The following JAK2 variants were observed in gnomAD, a reference collection of about 807,000 sequenced individuals.
The protein encoded by JAK2 is tyrosine-protein kinase JAK2.
Under a neutral mutation model 139.3 loss-of-function variants are expected in JAK2, and 86 were observed. The ratio of observed to expected loss-of-function variants is 0.62; its 90% CI spans 0.52 to 0.74. The LOEUF (loss-of-function observed/expected upper bound fraction) is 0.74. Ranked by LOEUF, JAK2 falls within the 30% of genes least tolerant of loss-of-function variation. JAK2 has a pLI of 0.00. For missense variants in JAK2, 1,421 were observed against 1,360.3 expected (o/e 1.04, Z -0.70); for synonymous variants, 490 against 437.7 (o/e 1.12, Z -1.49).
intron 22 of JAK2, chr9:5,099,949 G>C (rs1489907642): frequency 6.6e-6 from 1 of 152,112 alleles, no homozygotes; most frequent in Non-Finnish European, 1.5e-5. Context: ...TTTACCACAA[G>C]GCACACCTAT....
At chr9:5,100,826 T>C (rs1821420298) in intron 22 of JAK2, 1 of 152,366 alleles carries the variant, frequency 6.6e-6, no homozygotes, top group Admixed American at 6.5e-5. Flanking sequence ...TCAACATTCT[T>C]TACAGCCACA....
At chr9:4,993,382 C>T (rs1231954457) in intron 2 of JAK2, among the ~76,000 whole-genome samples, 1 of 152,154 alleles carries the variant, frequency 6.6e-6, no homozygotes. Context: ...GTTCTGAGTC[C>T]ATTACATCTC....
intron 22 of JAK2, chr9:5,098,344 G>A (rs1821183643): frequency 6.6e-6 from 1 of 152,084 alleles, no homozygotes; most frequent in Non-Finnish European, 1.5e-5. Flanking sequence ...TGTCTTAATG[G>A]CTCATCCAGT....
At chr9:5,097,836 C>T (rs1377339539) in intron 22 of JAK2, 1 of 152,202 alleles carries the variant, frequency 6.6e-6, no homozygotes, top group Non-Finnish European at 1.5e-5. Context: ...TCATAGGAGG[C>T]TTTACCACTG....
At chr9:5,087,003 TA>T (rs1390411369) in intron 19 of JAK2, among the ~76,000 whole-genome samples, 1 of 152,206 alleles carries the variant, frequency 6.6e-6, no homozygotes, top group African/African-American at 2.4e-5. Flanking sequence ...TTAGCATTTT[TA>T]AATTGTGCTT....
intron 22 of JAK2, chr9:5,112,840 G>A: frequency 1.8e-6 from 1 of 558,246 alleles, no homozygotes; most frequent in Non-Finnish European, 2.8e-6. Flanking sequence ...ACCCCGCTGG[G>A]CACGTGTGAA....
At chr9:5,114,652 G>T (rs758701342) in intron 22 of JAK2, 3 of 459,454 alleles carry the variant, frequency 6.5e-6, no homozygotes, top group Admixed American at 5.0e-5. Flanking sequence ...ACGCAGCCCC[G>T]CAAAACCAAG....
chr9:5,110,025 T>C (rs1045942220), intron 22 of JAK2: 3 of 152,222 alleles, frequency 2.0e-5, no homozygotes, highest in African/African-American at 7.2e-5. Flanking sequence ...AGTTATAGCA[T>C]GGTTCCTCTT....
intron 2 of JAK2, among the ~76,000 whole-genome samples, chr9:5,002,335 T>A (rs149525244): frequency 4.3e-4 from 65 of 152,106 alleles, no homozygotes; most frequent in African/African-American, 1.4e-3. Context: ...ATTTTATTGT[T>A]TATTATCATT....
At chr9:5,049,048 C>G (rs952737778) in intron 5 of JAK2, among the ~76,000 whole-genome samples, 10 of 152,180 alleles carry the variant, frequency 6.6e-5, no homozygotes, top group African/African-American at 2.4e-4. Flanking sequence ...CTGTGTTTCT[C>G]TCTTCTTCAT....
At chr9:5,062,011 T>C (rs947962871) in intron 8 of JAK2, among the ~76,000 whole-genome samples, 2 of 152,096 alleles carry the variant, frequency 1.3e-5, no homozygotes, top group Non-Finnish European at 2.9e-5. Context: ...AGTCAGAACA[T>C]ATACAAATTT....
chr9:5,034,729 A>G (rs1586673363), intron 4 of JAK2, among the ~76,000 whole-genome samples: 1 of 152,302 alleles, frequency 6.6e-6, no homozygotes, highest in South Asian at 2.1e-4. Context: ...TCTGGGACAC[A>G]TTCAAAGCAG....
intron 4 of JAK2, among the ~76,000 whole-genome samples, chr9:5,036,414 G>T (rs1466619394): frequency 6.6e-6 from 1 of 152,060 alleles, no homozygotes; most frequent in Non-Finnish European, 1.5e-5. Context: ...AGCCCACATT[G>T]CCAAGTCAAT....
intron 19 of JAK2, among the ~76,000 whole-genome samples, chr9:5,089,348 C>G (rs949651803): frequency 2.6e-5 from 4 of 151,964 alleles, no homozygotes; most frequent in Admixed American, 1.3e-4. Flanking sequence ...ACAATCCTGG[C>G]TAACACAGCG....
intron 22 of JAK2, among the ~76,000 whole-genome samples, chr9:5,106,583 A>G (rs1328008172): frequency 6.6e-6 from 1 of 152,242 alleles, no homozygotes; most frequent in Non-Finnish European, 1.5e-5. Flanking sequence ...TCATGCTGCT[A>G]TAAAGACACA....
rs530314976 is a variant in JAK2, at chr9:5,064,747, A to G, written c.1057-136A>G. 1.9e-5 allele frequency: 10 copies of G among 528,298 alleles called. No individual in the cohort carries two copies. In the East Asian group the frequency reaches 2.2e-4, roughly 11 times the overall value. The allele number at this position is 528,298 out of a possible 1,614,324, so 32.7% of individuals were successfully genotyped here. A position where few individuals can be genotyped will look rare whatever the true frequency, so the allele number is the denominator to read the frequency against. ...TCAGACATGAGAATTTGTAATTCATATTGAGTACTGAGCCATAAAAGATAT... is the reference window on the plus strand; with the variant it reads ...TCAGACATGAGAATTTGTAATTCATGTTGAGTACTGAGCCATAAAAGATAT... On this transcript the variant is annotated intron_variant, in intron 8 of 24. Transcript: ENST00000381652.
chr9:5,041,275 C>G (rs1816485423), intron 4 of JAK2: 1 of 1,150,584 alleles, frequency 8.7e-7, no homozygotes, highest in East Asian at 2.4e-5. Flanking sequence ...TCGGGCTGGC[C>G]AAGGGGTACA....
intron 22 of JAK2, chr9:5,091,392 G>C (rs1820558711): frequency 6.5e-6 from 1 of 152,700 alleles, no homozygotes; most frequent in African/African-American, 2.4e-5. Flanking sequence ...TAATAGAGTT[G>C]ATACTGGTTT....
intron 23 of JAK2, among the ~76,000 whole-genome samples, chr9:5,124,672 A>G (rs903194490): frequency 6.6e-6 from 1 of 151,966 alleles, no homozygotes; most frequent in East Asian, 1.9e-4. Context: ...ATAAGGCTAC[A>G]GTAACCAAAG....
Sources: gnomAD v4.1 joint callset for allele counts (sites outside exome capture counted in the v4.1 genomes callset) on GRCh38, gnomAD v4.1.1 for gene constraint, MANE v1.5 for transcripts, NCBI Gene and HGNC (gene_info 2026-07-23, HGNC 2026-07-21) for gene names.